NT5DC4: variants seen among roughly 807,000 people sequenced by gnomAD.
NT5DC4 encodes the protein 5'-nucleotidase domain-containing protein 4.
In NT5DC4, 44 loss-of-function variants were observed where a neutral mutation model predicts 26.6. That is an observed-to-expected ratio of 1.65 (90% confidence interval 1.30 to 2.13). The LOEUF is 2.13. NT5DC4 is among the 30% of genes most tolerant of loss of function. The pLI is 0.00. For missense variants in NT5DC4, 399 were observed against 228.1 expected (o/e 1.75, Z -4.83); for synonymous variants, 157 against 86.7 (o/e 1.81, Z -4.51).
At position 112,722,734 on chromosome 2, in the gene NT5DC4, T is replaced by G. The variant is rs904994785; in HGVS notation, c.490T>G (p.Leu164Val). 2.8e-6 allele frequency: 2 copies of G among 717,584 alleles called. No individual in the cohort carries two copies. The highest frequency in any genetic ancestry group is 3.5e-5 in the African/African-American group (2 of 57,224). 44.5% of individuals were successfully genotyped at this position (717,584 alleles called of 1,614,324 possible). Reference sequence around the variant, plus strand: ...CCCAGAAACCTACCTCTATGCCTGCTTGGTGGACTTCTTCTCTGGCTGCTC... The same window carrying G: ...CCCAGAAACCTACCTCTATGCCTGCGTGGTGGACTTCTTCTCTGGCTGCTC... ...NLPETYLYACLVDFFSGCSRY... is the reference protein window; with the variant it reads ...NLPETYLYACVVDFFSGCSRY... Residue 164 changes from leucine (L) to valine (V), a missense_variant, in exon 6 of 17, where the codon TTG (leucine) becomes GTG (valine). Transcript: ENST00000688554.
chr2:112,740,894 T>C, downstream of NT5DC4: 1 of 1,614,062 alleles, frequency 6.2e-7, no homozygotes, highest in Non-Finnish European at 8.5e-7. Context: ...GGTGTCGCCG[T>C]GACTTGTTCC....
chr2:112,724,764 G>T lies in NT5DC4; in HGVS notation c.790-17G>T. The stretch of plus-strand genomic sequence containing the variant: ...TTACCAGGCTGTGTGTGTGCAGCCC[G>T]TGTGCACCCCCAACAGGCTGAAGCC... On this transcript the variant is annotated splice_polypyrimidine_tract_variant and intron_variant, in intron 10 of 16. Transcript: ENST00000688554. 1.4e-6 allele frequency: 1 copy of T among 716,730 alleles called. No homozygotes were observed. The highest frequency in any genetic ancestry group is 2.6e-6 in the Non-Finnish European group (1 of 384,876). The allele number at this position is 716,730 out of a possible 1,614,324, so 44.4% of individuals were successfully genotyped here.
intron 16 of NT5DC4, among the ~76,000 whole-genome samples, chr2:112,732,221 T>A (rs55966878): frequency 0.46 from 69,900 of 151,384 alleles, 16,094 homozygotes; most frequent in Middle Eastern, 0.57. Flanking sequence ...TTTTTTTTTT[T>A]AAAACATCTT....
At chr2:112,731,821 C>T (rs1214445206) in intron 16 of NT5DC4, 2 of 151,708 alleles carry the variant, frequency 1.3e-5, no homozygotes, top group African/African-American at 4.8e-5. Flanking sequence ...TCTGAGGACA[C>T]ACTTCATTAG....
intron 16 of NT5DC4, among the ~76,000 whole-genome samples, chr2:112,732,759 C>T (rs1162858895): frequency 6.6e-6 from 1 of 152,144 alleles, no homozygotes; most frequent in Non-Finnish European, 1.5e-5. Flanking sequence ...GGCCAAAGGG[C>T]CTTTCTTGTG....
At chr2:112,729,441 G>A (rs1260027019) in intron 15 of NT5DC4, among the ~76,000 whole-genome samples, 186 bp from the exon 16 acceptor site, 2 of 152,182 alleles carry the variant, frequency 1.3e-5, no homozygotes, top group Non-Finnish European at 2.9e-5. Context: ...GATTTTTGAG[G>A]AAGTGAAGTC....
downstream of NT5DC4, among the ~76,000 whole-genome samples, chr2:112,740,254 G>C (rs566074224): frequency 3.3e-5 from 5 of 152,216 alleles, no homozygotes; most frequent in East Asian, 1.9e-4. Context: ...GTGCTTTCCA[G>C]GTAACTAAAA....
chr2:112,727,649 C>CA (rs1352828414), intron 15 of NT5DC4, among the ~76,000 whole-genome samples: 3 of 152,204 alleles, frequency 2.0e-5, no homozygotes, highest in African/African-American at 7.2e-5. Flanking sequence ...TGTGGGTCTA[C>CA]AACATGCTGC....
At chr2:112,741,940 GTTTTTTTTTTT>G (rs57634251), downstream of NT5DC4, among the ~76,000 whole-genome samples, 21 of 71,902 alleles carry the variant, frequency 2.9e-4, no homozygotes, top group South Asian at 5.7e-4. Context: ...TTTCTTTTCT[GTTTTTTTTTTT>G]TTTTTTTTTT....
At position 112,736,265 on chromosome 2, in the gene NT5DC4, G is replaced by A. The variant is rs186724653; in HGVS notation, c.1345-2648G>A. Among the ~76,000 whole-genome samples the A allele has an allele frequency of 1.1e-3, 170 of 152,190 alleles. 3 individuals carry two copies. The highest frequency in any genetic ancestry group is 9.8e-3 in the Admixed American group (150 of 15,292). The stretch of plus-strand genomic sequence containing the variant: ...GATTTTGAATATTTGATGCCTCTAC[G>A]TCCTATGTTCAGATTTTGTGATCTC... On this transcript the variant is annotated intron_variant, in intron 16 of 16. Coordinates refer to ENST00000688554, the MANE Select transcript of NT5DC4 (RefSeq NM_001393655.1).
In NT5DC4 at chr2:112,723,459, G is replaced by A; in HGVS notation, c.663G>A (p.Val221=). The stretch of plus-strand genomic sequence containing the variant: ...CCCTGGAGGACTTGGAGAAATATGT[G>A]AAGAAGGATGTGAGTGGCCACAGAC... ...KKTLEDLEKY[V]KKDPRLPILL... Residue 221 remains valine, a synonymous_variant, in exon 8 of 17, where the codon GTG becomes GTA. Transcript: ENST00000688554. 1.4e-6 allele frequency: 1 copy of A among 717,094 alleles called. No homozygotes were observed. The highest frequency in any genetic ancestry group is 2.6e-6 in the Non-Finnish European group (1 of 385,054). 44.4% of individuals were successfully genotyped at this position (717,094 alleles called of 1,614,324 possible).
chr2:112,736,327 A>G (rs545707106), intron 16 of NT5DC4, among the ~76,000 whole-genome samples: 1 of 152,082 alleles, frequency 6.6e-6, no homozygotes, highest in African/African-American at 2.4e-5. Flanking sequence ...CTTCACAGGT[A>G]AAGTTAACTC....
downstream of NT5DC4, chr2:112,742,551 C>A: frequency 1.4e-6 from 1 of 707,476 alleles, no homozygotes; most frequent in Non-Finnish European, 2.6e-6. Context: ...ACAAATAAGT[C>A]AGCTGATGAC....
chr2:112,723,698 G>A, intron 8 of NT5DC4, 21 bp from the exon 9 acceptor site: 1 of 716,078 alleles, frequency 1.4e-6, no homozygotes, highest in Non-Finnish European at 2.6e-6. Flanking sequence ...ACCCCTGCAA[G>A]TCCCTCTATC....
At chr2:112,735,410 A>G (rs757727828) in intron 16 of NT5DC4, among the ~76,000 whole-genome samples, 3 of 152,058 alleles carry the variant, frequency 2.0e-5, no homozygotes, top group Non-Finnish European at 4.4e-5. Context: ...GCACTAACAA[A>G]TGTGAACCAT....
chr2:112,731,460 C>T (rs1490099718), intron 16 of NT5DC4: 1 of 152,136 alleles, frequency 6.6e-6, no homozygotes, highest in Non-Finnish European at 1.5e-5. Context: ...GATTCTGTTA[C>T]TAGTAAGAAC....
chr2:112,730,111 G>A (rs1417450806), intron 16 of NT5DC4, among the ~76,000 whole-genome samples: 2 of 151,914 alleles, frequency 1.3e-5, no homozygotes, highest in African/African-American at 2.4e-5. Context: ...GCAGGAGGTC[G>A]AGACCAGCCT....
upstream of NT5DC4, among the ~76,000 whole-genome samples, chr2:112,719,022 G>A (rs1676611406): frequency 1.3e-5 from 2 of 152,070 alleles, no homozygotes; most frequent in Non-Finnish European, 2.9e-5. Context: ...AGTCATGCGG[G>A]GCTTGACCAC....
In NT5DC4 at chr2:112,725,528, C is replaced by T. The variant is rs1264505530; in HGVS notation, c.1129C>T (p.Leu377=). 8 of 712,084 alleles carry T rather than the reference C, an allele frequency of 1.1e-5. No homozygotes were observed. In the African/African-American group the frequency reaches 1.2e-4, roughly 11 times the overall value. 44.1% of individuals were successfully genotyped at this position (712,084 alleles called of 1,614,324 possible). Residue 377 remains leucine, a synonymous_variant, in exon 13 of 17, where the codon CTG becomes TTG. Coordinates refer to ENST00000688554, the MANE Select transcript of NT5DC4 (RefSeq NM_001393655.1). ...GGTGGTTCCTGAGCTGTCCTGGGAG[C>T]TGGACATCTGGGCCCAGGAGAAGGG... The part of the protein sequence containing the change: ...CLVVPELSWE[L]DIWAQEKERL...
Sources: allele counts gnomAD v4.1 joint callset (sites outside exome capture counted in the v4.1 genomes callset), GRCh38; gene constraint gnomAD v4.1.1; transcripts MANE v1.5; gene names NCBI Gene and HGNC (gene_info 2026-07-23, HGNC 2026-07-21).